The following CFAP20DC variants were observed in gnomAD, a reference collection of about 807,000 sequenced individuals.
The protein encoded by CFAP20DC is CFAP20 domain containing, also known as protein CFAP20DC.
Under a neutral mutation model 101.7 loss-of-function variants are expected in CFAP20DC, and 84 were observed. The ratio of observed to expected loss-of-function variants is 0.83; its 90% CI spans 0.69 to 0.99. The LOEUF is 0.99. Among genes scored for constraint, CFAP20DC ranks in the 50% least tolerant of loss-of-function variants. The probability of loss-of-function intolerance (pLI) is 0.00; values close to 1 mark genes in which losing one functional copy is unlikely to be tolerated. For synonymous variants in CFAP20DC, 359 were observed against 351.2 expected (o/e 1.02, Z -0.25); for missense variants, 1,007 against 970.3 (o/e 1.04, Z -0.50).
intron 4 of CFAP20DC, among the ~76,000 whole-genome samples, chr3:58,947,552 CCTT>C (rs1290654046): frequency 6.6e-6 from 1 of 152,180 alleles, no homozygotes; most frequent in Non-Finnish European, 1.5e-5. Flanking sequence ...GACTGGATCT[CCTT>C]CTGCTTCATG....
In CFAP20DC at chr3:58,724,586, T is replaced by G. The variant is rs1029074631; in HGVS notation, c.198-6958A>C. ...AAAGGAGATTCGTTTAAATCACTCTTGCTACAGATTACGCCTATGACGCAC... is the reference window on the plus strand; with the variant it reads ...AAAGGAGATTCGTTTAAATCACTCTGGCTACAGATTACGCCTATGACGCAC... On this transcript the variant is annotated intron_variant, in intron 3 of 3. Coordinates refer to the CFAP20DC transcript ENST00000486145. This position sits in a 1 kb window ranked among gnomAD's most constrained non-coding sequence, Gnocchi z 5.6. Among the ~76,000 whole-genome samples the G allele has an allele frequency of 6.6e-5, 10 of 152,338 alleles. No homozygotes were observed. The highest frequency in any genetic ancestry group is 2.0e-4 in the Admixed American group (3 of 15,302).
At chr3:58,933,564 C>A (rs1032436595) in intron 5 of CFAP20DC, among the ~76,000 whole-genome samples, 4 of 152,170 alleles carry the variant, frequency 2.6e-5, no homozygotes, top group Non-Finnish European at 5.9e-5. Flanking sequence ...GAAATTATAA[C>A]AAACTGTCTC....
chr3:58,829,910 T>C (rs1262921102), intron 14 of CFAP20DC, among the ~76,000 whole-genome samples: 3 of 152,214 alleles, frequency 2.0e-5, no homozygotes, highest in Admixed American at 1.3e-4. Flanking sequence ...CACTGTTCTC[T>C]TTCTTACTTG....
In CFAP20DC at chr3:58,884,715, A is replaced by C. The variant is rs1421788206; in HGVS notation, c.551-6T>G. The stretch of plus-strand genomic sequence containing the variant: ...AAAGGGAACACCATAGACAGCTGGA[A>C]ATAAAGACAAACATTCATTTTCAAA... On this transcript the variant is annotated splice_polypyrimidine_tract_variant and splice_region_variant and intron_variant, in intron 6 of 16. Transcript: ENST00000482387. 1 of 1,592,710 alleles carries C rather than the reference A, an allele frequency of 6.3e-7. No homozygotes were observed. Among genetic ancestry groups the C allele is most frequent in the African/African-American group, 1.3e-5 (1 of 74,168 alleles).
chr3:58,736,233 A>G (rs1036722697), intron 3 of CFAP20DC, among the ~76,000 whole-genome samples: 4 of 152,188 alleles, frequency 2.6e-5, no homozygotes, highest in Admixed American at 1.3e-4. Context: ...TCTTTGGCCA[A>G]AAAAGTTTTA....
chr3:58,875,308 G>A (rs909195094), intron 7 of CFAP20DC, among the ~76,000 whole-genome samples: 6 of 152,102 alleles, frequency 3.9e-5, no homozygotes, highest in Non-Finnish European at 8.8e-5. Flanking sequence ...ATTGACAATA[G>A]GAAGAAATGA....
Position 58,916,504 on chromosome 3 carries a change from A to ATG in CFAP20DC, c.394-2642_394-2641dup, listed in dbSNP as rs537157178. ...GTACTAAACAAATAAGGGTATGCAT[A>ATG]TGTGTGTGTGTGTATGAACACATTA... On this transcript the variant is annotated intron_variant, in intron 5 of 16. Transcript: ENST00000482387. 2.8e-3 allele frequency among the ~76,000 whole-genome samples: 423 copies of ATG among 151,972 alleles called. 1 individual carries two copies. The highest frequency in any genetic ancestry group is 5.5e-3 in the Non-Finnish European group (376 of 67,928).
chr3:58,761,418 T>G (rs1244472144), intron 15 of CFAP20DC, among the ~76,000 whole-genome samples: 1 of 152,224 alleles, frequency 6.6e-6, no homozygotes, highest in Non-Finnish European at 1.5e-5. Context: ...TATTTGATTC[T>G]TCTCTGTTTT....
chr3:58,771,792 C>G (rs1308519409), intron 15 of CFAP20DC, among the ~76,000 whole-genome samples: 2 of 152,146 alleles, frequency 1.3e-5, no homozygotes, highest in Admixed American at 6.6e-5. Context: ...TTAATCACAT[C>G]CCCACAATTT....
At chr3:58,725,251 G>A (rs2067532735) in intron 3 of CFAP20DC, among the ~76,000 whole-genome samples, 1 of 152,164 alleles carries the variant, frequency 6.6e-6, no homozygotes, top group Non-Finnish European at 1.5e-5. Context: ...CAGCTTCTGT[G>A]AGCTGTCATC....
Position 58,801,289 on chromosome 3 carries a change from CA to C in CFAP20DC, c.2237+5105del, listed in dbSNP as rs571833923. The stretch of plus-strand genomic sequence containing the variant: ...CCAACAAGAGAAATGATAAAAACAA[CA>C]ACTGATGCCTTTGGTTTCATAATCA... On this transcript the variant is annotated intron_variant, in intron 15 of 16. Transcript: ENST00000482387. 1.1e-4 allele frequency among the ~76,000 whole-genome samples: 16 copies of C among 152,252 alleles called. No individual in the cohort carries two copies. In the South Asian group the frequency reaches 3.3e-3, roughly 32 times the overall value.
At chr3:58,967,966 G>C (rs905089300) in intron 4 of CFAP20DC, among the ~76,000 whole-genome samples, 1 of 152,158 alleles carries the variant, frequency 6.6e-6, no homozygotes, top group Non-Finnish European at 1.5e-5. Flanking sequence ...GCAGCATTTA[G>C]TTTTCTGTTC....
intron 4 of CFAP20DC, among the ~76,000 whole-genome samples, chr3:58,997,462 C>T (rs895833507): frequency 3.9e-5 from 6 of 152,142 alleles, no homozygotes; most frequent in African/African-American, 1.4e-4. Context: ...AGTTGAGAGA[C>T]AGCACTCCTA....
intron 4 of CFAP20DC, among the ~76,000 whole-genome samples, chr3:58,994,670 A>T (rs1487298819): frequency 6.6e-6 from 1 of 152,158 alleles, no homozygotes; most frequent in African/African-American, 2.4e-5. Flanking sequence ...TCCAATCATC[A>T]AATTATAATT....
rs1052202726 is a variant in CFAP20DC at position 59,009,896 on chromosome 3, C to T, written c.278+29661G>A. On this transcript the variant is annotated intron_variant, in intron 4 of 16. Coordinates refer to ENST00000482387, the MANE Select transcript of CFAP20DC (RefSeq NM_001394063.1). ...AACTTTACAAGCCAGAAGGGATTGG[C>T]GTCTTATCTGTAGACTCCTTAAACA... 7.9e-5 allele frequency among the ~76,000 whole-genome samples: 12 copies of T among 152,062 alleles called. No homozygotes were observed. In the East Asian group the frequency reaches 1.7e-3, roughly 22 times the overall value.
At chr3:59,034,988 C>G (rs1417374303) in intron 4 of CFAP20DC, among the ~76,000 whole-genome samples, 1 of 151,964 alleles carries the variant, frequency 6.6e-6, no homozygotes, top group Admixed American at 6.6e-5. Flanking sequence ...AATCATAACA[C>G]AGTCTCTCAG....
At chr3:58,994,180 A>G (rs1443195893) in intron 4 of CFAP20DC, among the ~76,000 whole-genome samples, 4 of 152,250 alleles carry the variant, frequency 2.6e-5, no homozygotes, top group Non-Finnish European at 4.4e-5. Flanking sequence ...AGAAACATAC[A>G]TGCACACAAA....
chr3:58,744,933 G>A (rs2068092246), intron 16 of CFAP20DC, among the ~76,000 whole-genome samples: 2 of 152,172 alleles, frequency 1.3e-5, no homozygotes, highest in African/African-American at 2.4e-5. Context: ...TCCCTGTAGT[G>A]CTTTTGATGA....
intron 4 of CFAP20DC, among the ~76,000 whole-genome samples, chr3:58,951,076 C>G (rs1229755749): frequency 2.0e-5 from 3 of 151,962 alleles, no homozygotes; most frequent in Non-Finnish European, 2.9e-5. Flanking sequence ...AAAAAACAAC[C>G]CCATCAACAA....
Sources: allele counts gnomAD v4.1 joint callset (sites outside exome capture counted in the v4.1 genomes callset), GRCh38; gene constraint gnomAD v4.1.1; non-coding constraint Gnocchi (gnomAD v3.1); transcripts MANE v1.5; gene names NCBI Gene and HGNC (gene_info 2026-07-23, HGNC 2026-07-21).